RAPGEFL1: variants seen among roughly 807,000 people sequenced by gnomAD.
RAPGEFL1 encodes the protein Rap guanine nucleotide exchange factor like 1.
In RAPGEFL1, 31 loss-of-function variants were observed where a neutral mutation model predicts 64.4. The observed-to-expected ratio is 0.48, with a 90% CI of 0.36 to 0.65. RAPGEFL1 has a LOEUF of 0.65. RAPGEFL1 is among the 30% of genes least tolerant of loss of function. The pLI is 0.00. For missense variants in RAPGEFL1, 682 were observed against 677.4 expected (o/e 1.01, Z -0.08); for synonymous variants, 331 against 274.1 (o/e 1.21, Z -2.05).
At chr17:40,183,366 A>G (rs974818156) in intron 2 of RAPGEFL1, among the ~76,000 whole-genome samples, 2 of 152,026 alleles carry the variant, frequency 1.3e-5, no homozygotes, top group South Asian at 4.1e-4. Context: ...GATGTGGTCA[A>G]GTGGTCATCG....
chr17:40,184,069 C>A, intron 2 of RAPGEFL1, 145 bp from the exon 3 acceptor site: 1 of 724,112 alleles, frequency 1.4e-6, no homozygotes, highest in Non-Finnish European at 2.5e-6. Context: ...GTCTCGAACT[C>A]CTGACCTCAG....
chr17:40,184,147 C>A, intron 2 of RAPGEFL1, 67 bp from the exon 3 acceptor site: 1 of 1,196,320 alleles, frequency 8.4e-7, no homozygotes, highest in Non-Finnish European at 1.2e-6. Context: ...CCCAGCCTAG[C>A]CTCCCATCTT....
chr17:40,185,711 G>A (rs1990044767), intron 4 of RAPGEFL1, among the ~76,000 whole-genome samples: 1 of 150,386 alleles, frequency 6.6e-6, no homozygotes, highest in African/African-American at 2.5e-5. Flanking sequence ...TTGAATCCAG[G>A]AGGTGGAGGT....
At chr17:40,187,797 T>A (rs1334349254) in intron 4 of RAPGEFL1, among the ~76,000 whole-genome samples, 1 of 151,638 alleles carries the variant, frequency 6.6e-6, no homozygotes, top group African/African-American at 2.4e-5. Context: ...TTTTTTTTAG[T>A]AGAGACGGGG....
chr17:40,177,271 A>G (rs1315332666), upstream of RAPGEFL1: 1 of 702,566 alleles, frequency 1.4e-6, no homozygotes, highest in Admixed American at 2.0e-5. Flanking sequence ...TGAGCCAGGA[A>G]TCCTTCCCCA....
Position 40,184,638 on chromosome 17 carries a change from A to C in RAPGEFL1, c.793A>C (p.Thr265Pro), listed in dbSNP as rs1192796192. The change falls in exon 4 of 15, where the codon ACT becomes CCT. Residue 265 changes from threonine (T) to proline (P), a missense_variant. This residue lies in a region of RAPGEFL1 where 271 missense variants were observed against 158.0 expected (regional missense o/e 1.72). Coordinates refer to ENST00000620260, the MANE Select transcript of RAPGEFL1 (RefSeq NM_016339.6). ...CCTTTACCAGGGCCTCCGAGAGGAC[A>C]CTCTGAGGCTGCACCAGCTGGTGGA... ...ESLYQGLRED[T>P]LRLHQLVETV... 1.3e-6 allele frequency: 2 copies of C among 1,592,796 alleles called. No individual in the cohort carries two copies. Among genetic ancestry groups the C allele is most frequent in the Non-Finnish European group, 1.7e-6 (2 of 1,165,190 alleles).
chr17:40,185,961 C>A (rs1437514315), intron 4 of RAPGEFL1, among the ~76,000 whole-genome samples: 1 of 147,696 alleles, frequency 6.8e-6, no homozygotes, highest in Non-Finnish European at 1.5e-5. Flanking sequence ...GAGACTCCGT[C>A]TCTAAAGAAA....
rs1314198356 is a variant in RAPGEFL1, at chr17:40,191,442, G to A, written c.1462G>A (p.Ala488Thr). Reference sequence around the variant, plus strand: ...GGCCACCGAAGTGCTGCTCTGCGAGGCCCCGGGCAAGCGCGCGCAGCTGCT... The same window carrying A: ...GGCCACCGAAGTGCTGCTCTGCGAGACCCCGGGCAAGCGCGCGCAGCTGCT... ...WVATEVLLCE[A>T]PGKRAQLLKK... The change falls in exon 9 of 15, where the codon GCC becomes ACC. Residue 488 changes from alanine to threonine, a missense_variant. This residue lies in a region of RAPGEFL1 where 411 missense variants were observed against 519.4 expected (regional missense o/e 0.79). Coordinates refer to ENST00000620260, the MANE Select transcript of RAPGEFL1 (RefSeq NM_016339.6). This position sits in a 1 kb window ranked among gnomAD's most constrained non-coding sequence, Gnocchi z 5.1. 7 of 1,607,092 alleles carry A rather than the reference G, an allele frequency of 4.4e-6. No individual in the cohort carries two copies. Among genetic ancestry groups the A allele is most frequent in the South Asian group, 1.1e-5 (1 of 90,578 alleles).
intron 6 of RAPGEFL1, among the ~76,000 whole-genome samples, chr17:40,190,159 T>C (rs1273264489): frequency 6.6e-6 from 1 of 151,858 alleles, no homozygotes; most frequent in African/African-American, 2.4e-5. Flanking sequence ...TCCTCTACAG[T>C]AGGAAAAAAT....
In RAPGEFL1 at chr17:40,188,851, C is replaced by A; in HGVS notation, c.834-15C>A. On this transcript the variant is annotated splice_polypyrimidine_tract_variant and intron_variant, in intron 4 of 14. Transcript: ENST00000620260. ...CCTGGCAGGGCGTGCTGATGCCCAG[C>A]TGTGTCCATGCCAGGATTCCAGAGG... is the stretch of plus-strand genomic sequence containing the variant. 2 of 1,608,602 alleles carry A rather than the reference C, an allele frequency of 1.2e-6. No homozygotes were observed. The highest frequency in any genetic ancestry group is 1.7e-6 in the Non-Finnish European group (2 of 1,175,088).
rs1475123451 is a variant in RAPGEFL1, at chr17:40,178,081, G to A, written c.220G>A (p.Glu74Lys). 8.3e-6 allele frequency: 5 copies of A among 603,834 alleles called. No homozygotes were observed. The Admixed American group carries it at 1.1e-4, about 14-fold the overall frequency. 37.4% of individuals were successfully genotyped at this position (603,834 alleles called of 1,614,324 possible). Reference protein sequence around the residue: ...LPAFLREPPAEPGLEPPPEEE... With the variant: ...LPAFLREPPAKPGLEPPPEEE... Reference sequence around the variant, plus strand: ...CGCTTTCCTCCGGGAGCCCCCCGCCGAGCCGGGGCTGGAGCCGCCCCCTGA... The same window carrying A: ...CGCTTTCCTCCGGGAGCCCCCCGCCAAGCCGGGGCTGGAGCCGCCCCCTGA... The change falls in exon 1 of 15, where the codon GAG (glutamate) becomes AAG (lysine). Residue 74 changes from glutamate (E) to lysine (K), a missense_variant. This residue lies in a region of RAPGEFL1 where 271 missense variants were observed against 158.0 expected (regional missense o/e 1.72). Coordinates refer to ENST00000620260, the MANE Select transcript of RAPGEFL1 (RefSeq NM_016339.6).
At position 40,182,356 on chromosome 17, in the gene RAPGEFL1, G is replaced by A. The variant is rs372446837; in HGVS notation, c.599+662G>A. On this transcript the variant is annotated intron_variant, in intron 2 of 14. Transcript: ENST00000620260. The stretch of plus-strand genomic sequence containing the variant: ...AGATGGAGTCTTGCTCTGTCACCCA[G>A]GCTGGAGTACAGTGGTGCGACCTTG... Among the ~76,000 whole-genome samples, 4 of 151,930 alleles carry A rather than the reference G, an allele frequency of 2.6e-5. No individual in the cohort carries two copies. In the South Asian group the frequency reaches 8.3e-4, roughly 32 times the overall value.
chr17:40,188,972 G>T lies in RAPGEFL1; in HGVS notation c.940G>T (p.Asp314Tyr). 2 of 1,613,920 alleles carry T rather than the reference G, an allele frequency of 1.2e-6. No individual in the cohort carries two copies. The highest frequency in any genetic ancestry group is 1.3e-5 in the African/African-American group (1 of 75,044). Reference protein sequence around the residue: ...LQTRVAFRGSDEIFCRVYMPD... With the variant: ...LQTRVAFRGSYEIFCRVYMPD... ...GACCCGGGTGGCCTTCCGGGGCTCT[G>T]ATGAGAGTGAGTGTGGGCATTAGGA... is the stretch of plus-strand genomic sequence containing the variant. The change falls in exon 5 of 15, where the codon GAT becomes TAT. Residue 314 changes from aspartate to tyrosine, a missense_variant. Physicochemically the swap from Asp to Tyr is radical, Grantham distance 160 (BLOSUM62 -3). Around this residue, in one of 2 missense-constraint regions of RAPGEFL1, gnomAD observed 411 missense variants for 519.4 expected, o/e 0.79. Transcript: ENST00000620260.
chr17:40,178,098 GC>G lies in RAPGEFL1; in HGVS notation c.242del (p.Pro81LeufsTer57). 2 of 583,466 alleles carry G rather than the reference GC, an allele frequency of 3.4e-6. No individual in the cohort carries two copies. The highest frequency in any genetic ancestry group is 2.0e-5 in the South Asian group (1 of 51,054). 36.1% of individuals were successfully genotyped at this position (583,466 alleles called of 1,614,324 possible). A position where few individuals can be genotyped will look rare whatever the true frequency, so the allele number is the denominator to read the frequency against. ...CCCCCGCCGAGCCGGGGCTGGAGCC[GC>G]CCCCTGAGGAGGAAGGAGGAGAGCC... is the stretch of plus-strand genomic sequence containing the variant. ...EPPAEPGLEP[P>X]PEEEGGEPAG... On this transcript the variant is annotated frameshift_variant, in exon 1 of 15. Coordinates refer to ENST00000620260, the MANE Select transcript of RAPGEFL1 (RefSeq NM_016339.6). LOFTEE classifies it high-confidence loss of function.
At chr17:40,189,727 C>T (rs935091031) in intron 6 of RAPGEFL1, among the ~76,000 whole-genome samples, 4 of 152,206 alleles carry the variant, frequency 2.6e-5, no homozygotes, top group African/African-American at 7.2e-5. Flanking sequence ...GACCCCACCC[C>T]GACCTGCTGG....
At position 40,189,242 on chromosome 17, in the gene RAPGEFL1, T is replaced by C. The variant is rs745873524; in HGVS notation, c.981T>C (p.Tyr327=). The change falls in exon 6 of 15, where the codon TAT becomes TAC. Residue 327 remains tyrosine, a synonymous_variant. Coordinates refer to ENST00000620260, the MANE Select transcript of RAPGEFL1 (RefSeq NM_016339.6). ...GTGTATACATGCCTGACCACTCTTA[T>C]GTGACCATACGCAGCCGCCTTTCAG... ...FCRVYMPDHS[Y]VTIRSRLSAS... is the part of the protein sequence containing the mutation. The C allele has an allele frequency of 2.0e-5, 32 of 1,614,074 alleles. No individual in the cohort carries two copies. Among genetic ancestry groups the C allele is most frequent in the Middle Eastern group, 1.6e-4 (1 of 6,084 alleles).
In RAPGEFL1 at chr17:40,194,287, GTGTCT is replaced by G. The variant is rs1401737839; in HGVS notation, c.*501_*505del. 4.3e-5 allele frequency: 6 copies of G among 138,458 alleles called. No individual in the cohort carries two copies. The highest frequency in any genetic ancestry group is 2.3e-4 in the East Asian group (1 of 4,432). The allele number at this position is 138,458 out of a possible 1,614,324, so 8.6% of individuals were successfully genotyped here. A position where few individuals can be genotyped will look rare whatever the true frequency, so the allele number is the denominator to read the frequency against. On this transcript the variant is annotated 3_prime_UTR_variant, in exon 15 of 15. Transcript: ENST00000620260. ...TGTGTGTGTGTGTGTGTGTGTGTGT[GTGTCT>G]TCTTTTAGGGAGCAGGAGTGCATCT...
At chr17:40,181,356 T>G (rs899067213) in intron 1 of RAPGEFL1, 1 of 601,788 alleles carries the variant, frequency 1.7e-6, no homozygotes, top group Non-Finnish European at 3.1e-6. Context: ...TGAAGAGAAG[T>G]GCACATGGCC....
chr17:40,181,469 T>G, intron 1 of RAPGEFL1, 147 bp from the exon 2 acceptor site: 12 of 628,782 alleles, frequency 1.9e-5, no homozygotes, highest in Non-Finnish European at 2.7e-5. Flanking sequence ...TGTGTGCGCG[T>G]GTGCAGAGCA....
Sources: allele counts gnomAD v4.1 joint callset (sites outside exome capture counted in the v4.1 genomes callset), GRCh38; gene constraint gnomAD v4.1.1; regional missense constraint gnomAD v4.1.1; non-coding constraint Gnocchi (gnomAD v3.1); transcripts MANE v1.5; gene names NCBI Gene and HGNC (gene_info 2026-07-23, HGNC 2026-07-21).